Variants in RBMS3 observed in about 807,000 individuals in gnomAD.
RBMS3 encodes the protein RNA-binding motif, single-stranded-interacting protein 3.
Under a neutral mutation model 66.8 loss-of-function variants are expected in RBMS3, and 27 were observed. The observed-to-expected ratio is 0.40, with a 90% CI of 0.30 to 0.56. RBMS3 has a LOEUF of 0.56. Among genes scored for constraint, RBMS3 ranks in the 20% least tolerant of loss-of-function variants. The pLI is 0.40. For synonymous variants in RBMS3, 188 were observed against 183.0 expected (o/e 1.03, Z -0.22); for missense variants, 513 against 549.5 (o/e 0.93, Z 0.66).
chr3:29,601,022 A>T (rs1382805718), intron 4 of RBMS3, among the ~76,000 whole-genome samples: 4 of 152,078 alleles, frequency 2.6e-5, no homozygotes, highest in African/African-American at 2.4e-5. Context: ...GGATTGTCAG[A>T]GCATGAACAG....
intron 5 of RBMS3, among the ~76,000 whole-genome samples, chr3:29,742,994 A>G (rs552491768): frequency 2.6e-5 from 4 of 152,338 alleles, no homozygotes; most frequent in South Asian, 4.1e-4. Context: ...GAGTCTGACT[A>G]TCTTTTGAAA....
intron 6 of RBMS3, among the ~76,000 whole-genome samples, chr3:29,807,413 C>T (rs1174849335): frequency 6.6e-6 from 1 of 151,892 alleles, no homozygotes. Flanking sequence ...GACGATTTTG[C>T]ACTGTGTATT....
At chr3:29,295,344 TAC>T (rs1230884878) in intron 1 of RBMS3, among the ~76,000 whole-genome samples, 9 of 143,840 alleles carry the variant, frequency 6.3e-5, no homozygotes, top group Non-Finnish European at 1.1e-4. Flanking sequence ...CATATATATA[TAC>T]ATATATATAT....
At chr3:29,926,655 C>T (rs1258321852) in intron 10 of RBMS3, among the ~76,000 whole-genome samples, 1 of 152,132 alleles carries the variant, frequency 6.6e-6, no homozygotes, top group Non-Finnish European at 1.5e-5. Flanking sequence ...TGACAGCTCA[C>T]AGTCCTGAGT....
chr3:29,416,521 C>T (rs1365815563), intron 1 of RBMS3, among the ~76,000 whole-genome samples: 1 of 142,044 alleles, frequency 7.0e-6, no homozygotes, highest in Non-Finnish European at 1.5e-5. Flanking sequence ...TCTCTTTTCA[C>T]ACTAGTTTCC....
intron 1 of RBMS3, among the ~76,000 whole-genome samples, chr3:29,348,645 GCTTA>G (rs1418528073): frequency 1.3e-5 from 2 of 151,478 alleles, no homozygotes; most frequent in Non-Finnish European, 2.9e-5. Context: ...TAAAAATGTG[GCTTA>G]CTCTTTGCTT....
chr3:29,490,317 T>C lies in RBMS3; in HGVS notation c.307+1818T>C, dbSNP rs574330864. On this transcript the variant is annotated intron_variant, in intron 3 of 14. Coordinates refer to ENST00000383767, the MANE Select transcript of RBMS3 (RefSeq NM_001003793.3). ...TGTAGGCTTTAAAGCCATAGTACAA[T>C]AGAGAAATTAGAAAAAAATCAGCTT... 3.3e-5 allele frequency among the ~76,000 whole-genome samples: 5 copies of C among 151,774 alleles called. No homozygotes were observed. In the South Asian group the frequency reaches 8.3e-4, roughly 25 times the overall value.
chr3:29,650,830 G>A (rs1046553950), intron 4 of RBMS3, among the ~76,000 whole-genome samples: 1 of 152,282 alleles, frequency 6.6e-6, no homozygotes, highest in East Asian at 1.9e-4. Flanking sequence ...TGAGACTAAT[G>A]CTTCAACCAT....
At chr3:29,992,849 G>A (rs1698975169) in intron 14 of RBMS3, among the ~76,000 whole-genome samples, 2 of 152,124 alleles carry the variant, frequency 1.3e-5, no homozygotes, top group Non-Finnish European at 2.9e-5. Flanking sequence ...TCAACGATAG[G>A]CTATTCTCTT....
chr3:29,862,923 T>C (rs2059255366), intron 6 of RBMS3, among the ~76,000 whole-genome samples: 1 of 150,300 alleles, frequency 6.7e-6, no homozygotes, highest in Non-Finnish European at 1.5e-5. Flanking sequence ...AGGATACTAA[T>C]AAAGATATGA....
intron 1 of RBMS3, among the ~76,000 whole-genome samples, chr3:29,301,814 A>C (rs942138074): frequency 1.3e-5 from 2 of 151,886 alleles, no homozygotes; most frequent in Admixed American, 6.6e-5. Context: ...GGAAATTCTG[A>C]CTCAGTAGGT....
chr3:29,961,146 C>T (rs531995932), intron 12 of RBMS3, among the ~76,000 whole-genome samples: 10 of 152,194 alleles, frequency 6.6e-5, no homozygotes, highest in African/African-American at 9.6e-5. Context: ...CACCAGATAC[C>T]GTAAATCATC....
chr3:29,735,260 T>G (rs957489225), intron 4 of RBMS3, among the ~76,000 whole-genome samples: 12 of 152,194 alleles, frequency 7.9e-5, no homozygotes, highest in African/African-American at 2.9e-4. Flanking sequence ...AATCTGATTT[T>G]GACAGCATAC....
In RBMS3 at chr3:29,489,699, A is replaced by G. The variant is rs538142973; in HGVS notation, c.307+1200A>G. Among the ~76,000 whole-genome samples the G allele has an allele frequency of 2.7e-5, 4 of 149,692 alleles. 1 individual carries two copies. The highest frequency in any genetic ancestry group is 7.4e-5 in the African/African-American group (3 of 40,624). On this transcript the variant is annotated intron_variant, in intron 3 of 14. Transcript: ENST00000383767. ...CTTGGGACAGGTGGATGTTCAGGAG[A>G]GAGAATTTCAGAATGTAATTGAGTA... is the stretch of plus-strand genomic sequence containing the variant.
intron 1 of RBMS3, among the ~76,000 whole-genome samples, chr3:29,370,352 A>G (rs2038136014): frequency 6.6e-6 from 1 of 152,220 alleles, no homozygotes; most frequent in Non-Finnish European, 1.5e-5. Flanking sequence ...TTCAGGTTGT[A>G]CATCCATTTT....
chr3:29,306,617 C>T (rs940549472), intron 1 of RBMS3, among the ~76,000 whole-genome samples: 1 of 151,908 alleles, frequency 6.6e-6, no homozygotes, highest in Non-Finnish European at 1.5e-5. Context: ...TTCCTCCCTT[C>T]CTTCTACATT....
chr3:29,304,403 A>C (rs1057084474), intron 1 of RBMS3, among the ~76,000 whole-genome samples: 5 of 151,980 alleles, frequency 3.3e-5, no homozygotes, highest in Non-Finnish European at 7.4e-5. Flanking sequence ...TAAAAGCACT[A>C]GGAGACTATA....
chr3:29,549,374 A>G (rs189858), intron 3 of RBMS3, among the ~76,000 whole-genome samples: 90,349 of 150,692 alleles, frequency 0.6, 27,867 homozygotes, highest in African/African-American at 0.74. Context: ...GGAAAATCAA[A>G]GAAAACAAAT....
Position 29,894,653 on chromosome 3 carries a change from G to A in RBMS3, c.792-2726G>A, listed in dbSNP as rs1164046560. Among the ~76,000 whole-genome samples, 6 of 151,428 alleles carry A rather than the reference G, an allele frequency of 4.0e-5. No individual in the cohort carries two copies. In the East Asian group the frequency reaches 1.2e-3, roughly 29 times the overall value. The stretch of plus-strand genomic sequence containing the variant: ...ACAGTAGGGGTTAGAGCTTCAGCAG[G>A]TAAATTTAGGGGGTCACAAACATTC... On this transcript the variant is annotated intron_variant, in intron 8 of 14. Transcript: ENST00000383767.
Sources: allele counts gnomAD v4.1 joint callset (sites outside exome capture counted in the v4.1 genomes callset), GRCh38; gene constraint gnomAD v4.1.1; transcripts MANE v1.5; gene names NCBI Gene and HGNC (gene_info 2026-07-23, HGNC 2026-07-21).